UGGT2: variants seen among roughly 807,000 people sequenced by gnomAD.
UGGT2 encodes UDP-glucose:glycoprotein glucosyltransferase 2.
Under a neutral mutation model 192.1 loss-of-function variants are expected in UGGT2, and 180 were observed. The observed-to-expected ratio is 0.94, with a 90% CI of 0.83 to 1.06. The LOEUF (loss-of-function observed/expected upper bound fraction) is 1.06, where lower values mean the gene tolerates loss of function less well. UGGT2 is among the 50% of genes least tolerant of loss of function. The probability of loss-of-function intolerance (pLI) is 0.00; values close to 1 mark genes in which losing one functional copy is unlikely to be tolerated. For missense variants in UGGT2, 1,849 were observed against 1,795.7 expected (o/e 1.03, Z -0.54); for synonymous variants, 580 against 591.0 (o/e 0.98, Z 0.27).
chr13:96,017,142 T>A lies in UGGT2; in HGVS notation c.486-3661A>T, dbSNP rs1353555686. On this transcript the variant is annotated intron_variant, in intron 4 of 38. Transcript: ENST00000376747. ...TGTACCTTGGAAGTAAATAACTTGT[T>A]TTGATTTTACAGGCTCATAAGTGGA... Among the ~76,000 whole-genome samples, 5 of 152,322 alleles carry A rather than the reference T, an allele frequency of 3.3e-5. No individual in the cohort carries two copies. The East Asian group carries it at 5.8e-4, about 18-fold the overall frequency.
chr13:95,855,148 G>T (rs1043509444), intron 34 of UGGT2, among the ~76,000 whole-genome samples: 6 of 148,434 alleles, frequency 4.0e-5, no homozygotes, highest in East Asian at 3.9e-4. Flanking sequence ...TTAGCCAGGC[G>T]TGGTGGTGTG....
chr13:95,866,104 T>C (rs1264084970), intron 30 of UGGT2, among the ~76,000 whole-genome samples: 2 of 152,154 alleles, frequency 1.3e-5, no homozygotes, highest in East Asian at 3.9e-4. Context: ...GCATTTGGTA[T>C]ACTTTTTCTG....
At chr13:95,985,335 A>C in intron 9 of UGGT2, 1 of 1,228,118 alleles carries the variant, frequency 8.1e-7, no homozygotes, top group Non-Finnish European at 1.1e-6. Context: ...ATTCATTCTT[A>C]ATCTGTAAAT....
intron 17 of UGGT2, among the ~76,000 whole-genome samples, chr13:95,936,212 C>T (rs1354600621): frequency 6.6e-6 from 1 of 152,160 alleles, no homozygotes; most frequent in Non-Finnish European, 1.5e-5. Flanking sequence ...CCTGCTTGGT[C>T]CAGTCTATTG....
chr13:95,876,044 A>G (rs1413391742), intron 29 of UGGT2, among the ~76,000 whole-genome samples: 1 of 149,930 alleles, frequency 6.7e-6, no homozygotes, highest in East Asian at 1.9e-4. Context: ...GCTAAAAATG[A>G]TTTTTACACT....
chr13:95,804,505 G>A (rs759212103), intron 38 of UGGT2, among the ~76,000 whole-genome samples: 5 of 152,076 alleles, frequency 3.3e-5, no homozygotes, highest in Non-Finnish European at 7.4e-5. Flanking sequence ...AAAATATTGT[G>A]AAAAAGAATG....
intron 13 of UGGT2, among the ~76,000 whole-genome samples, chr13:95,948,545 T>C (rs1383082787): frequency 2.6e-5 from 4 of 152,170 alleles, no homozygotes; most frequent in Non-Finnish European, 5.9e-5. Flanking sequence ...AAAACAGCCG[T>C]AGGTATTTTC....
chr13:95,891,085 G>A (rs2047788887), intron 24 of UGGT2, 121 bp from the exon 25 acceptor site: 1 of 650,466 alleles, frequency 1.5e-6, no homozygotes, highest in Non-Finnish European at 2.5e-6. Flanking sequence ...GTAAAATACT[G>A]GTTATTTCAC....
intron 12 of UGGT2, among the ~76,000 whole-genome samples, chr13:95,969,371 G>T (rs1432980191): frequency 1.3e-5 from 2 of 152,178 alleles, no homozygotes; most frequent in Non-Finnish European, 2.9e-5. Flanking sequence ...TCTGGGTCTT[G>T]CAAGTCCTTC....
intron 2 of UGGT2, among the ~76,000 whole-genome samples, chr13:96,028,280 C>G (rs1314542063): frequency 6.6e-6 from 1 of 152,228 alleles, no homozygotes. Context: ...TCCCCCAAAT[C>G]TGGTTCTTGG....
rs574297304 is a variant in UGGT2 at position 95,931,631 on chromosome 13, C to T, written c.1978-4295G>A. 1.2e-4 allele frequency among the ~76,000 whole-genome samples: 18 copies of T among 152,170 alleles called. No individual in the cohort carries two copies. The South Asian group carries it at 3.3e-3, about 28-fold the overall frequency. Reference sequence around the variant, plus strand: ...ACCCAGGGGGAGGCAGATGAGGCAGCGAGAATTCGAGCACAGTGCTGGCCC... The same window carrying T: ...ACCCAGGGGGAGGCAGATGAGGCAGTGAGAATTCGAGCACAGTGCTGGCCC... On this transcript the variant is annotated intron_variant, in intron 17 of 38. Coordinates refer to ENST00000376747, the MANE Select transcript of UGGT2 (RefSeq NM_020121.4).
intron 20 of UGGT2, among the ~76,000 whole-genome samples, chr13:95,908,170 G>T (rs2048354133): frequency 6.6e-6 from 1 of 152,128 alleles, no homozygotes; most frequent in Admixed American, 6.5e-5. Context: ...TCAAATTAAT[G>T]AAATAAAGTG....
intron 4 of UGGT2, among the ~76,000 whole-genome samples, chr13:96,018,071 T>C (rs1463075185): frequency 6.6e-6 from 1 of 152,218 alleles, no homozygotes; most frequent in African/African-American, 2.4e-5. Context: ...CAACTTAGAA[T>C]CATAACTGAC....
At chr13:95,995,982 T>C in intron 7 of UGGT2, 81 bp downstream of exon 7, 3 of 1,203,636 alleles carry the variant, frequency 2.5e-6, no homozygotes, top group South Asian at 1.3e-5. Flanking sequence ...AGGTGAAGCA[T>C]ATGGCAAAAC....
rs118075345 is a variant in UGGT2, at chr13:95,851,866, T to C, written c.4284+1677A>G. On this transcript the variant is annotated intron_variant, in intron 36 of 38. Transcript: ENST00000376747. ...CATAGGCAGATAACAGGCAACTTCA[T>C]AGACTTTCATTCATATTTAAGACTA... is the stretch of plus-strand genomic sequence containing the variant. Among the ~76,000 whole-genome samples, 76 of 152,262 alleles carry C rather than the reference T, an allele frequency of 5.0e-4. 1 individual carries two copies. In the East Asian group the frequency reaches 0.012, roughly 24 times the overall value.
chr13:95,887,572 A>C (rs903689224), intron 26 of UGGT2, among the ~76,000 whole-genome samples: 13 of 152,324 alleles, frequency 8.5e-5, no homozygotes, highest in African/African-American at 3.1e-4. Flanking sequence ...CTAAACCAAA[A>C]ATGGTTTAAT....
intron 17 of UGGT2, among the ~76,000 whole-genome samples, chr13:95,928,843 C>T (rs572708218): frequency 6.6e-5 from 10 of 152,136 alleles, no homozygotes; most frequent in South Asian, 2.1e-4. Context: ...GCAAGGCAGG[C>T]GGCTGGGAGG....
chr13:95,828,080 A>T (rs773738167), intron 38 of UGGT2, among the ~76,000 whole-genome samples: 2 of 152,152 alleles, frequency 1.3e-5, no homozygotes, highest in African/African-American at 4.8e-5. Context: ...TTGAGTTTTC[A>T]TTCTGTTTCC....
chr13:95,867,561 G>A (rs2140114778), intron 29 of UGGT2, 138 bp from the exon 30 acceptor site: 2 of 595,762 alleles, frequency 3.4e-6, no homozygotes, highest in South Asian at 5.0e-5. Flanking sequence ...TGTTTCTATA[G>A]TCAATTAAGA....
Sources: gnomAD v4.1 joint callset for allele counts (sites outside exome capture counted in the v4.1 genomes callset) on GRCh38, gnomAD v4.1.1 for gene constraint, MANE v1.5 for transcripts, NCBI Gene and HGNC (gene_info 2026-07-23, HGNC 2026-07-21) for gene names.